Variants in SLC2A9 observed in about 807,000 individuals in gnomAD.
SLC2A9 encodes solute carrier family 2 member 9, also known as solute carrier family 2, facilitated glucose transporter member 9.
In SLC2A9, 39 loss-of-function variants were observed where a neutral mutation model predicts 50.6. That is an observed-to-expected ratio of 0.77 (90% CI 0.60 to 1.01). SLC2A9 has a LOEUF of 1.01. SLC2A9 is among the 50% of genes least tolerant of loss of function. The pLI, the probability that SLC2A9 is intolerant of heterozygous loss-of-function variation, is 0.00. For missense variants in SLC2A9, 686 were observed against 677.6 expected (o/e 1.01, Z -0.14); for synonymous variants, 324 against 276.9 (o/e 1.17, Z -1.69).
intron 5 of SLC2A9, among the ~76,000 whole-genome samples, chr4:9,956,469 G>C (rs139721393): frequency 0.014 from 2,103 of 152,012 alleles, 22 homozygotes; most frequent in Middle Eastern, 0.054. Flanking sequence ...AACAGAGCAA[G>C]ACTCCATCTC....
At chr4:9,991,392 G>A (rs1757694199) in intron 3 of SLC2A9, among the ~76,000 whole-genome samples, 1 of 152,146 alleles carries the variant, frequency 6.6e-6, no homozygotes, top group African/African-American at 2.4e-5. Context: ...CCCTGGTTGA[G>A]AACCCTTGAA....
intron 10 of SLC2A9, among the ~76,000 whole-genome samples, chr4:9,852,247 C>A (rs75387116): frequency 1.4e-5 from 2 of 140,886 alleles, no homozygotes; most frequent in South Asian, 4.4e-4. Flanking sequence ...ATCCAGTATT[C>A]TTTTTTTTTT....
At chr4:9,801,396 G>T (rs1015203810) in intron 3 of SLC2A9, among the ~76,000 whole-genome samples, 1 of 152,202 alleles carries the variant, frequency 6.6e-6, no homozygotes, top group African/African-American at 2.4e-5. Context: ...GCTAACTGAG[G>T]ATAATTATAA....
intron 5 of SLC2A9, among the ~76,000 whole-genome samples, chr4:9,959,437 T>C (rs1751876442): frequency 6.6e-6 from 1 of 151,484 alleles, no homozygotes; most frequent in Admixed American, 6.6e-5. Flanking sequence ...ATCATCAGAT[T>C]GATGTCTCAA....
At chr4:9,990,903 C>A (rs1757599991) in intron 3 of SLC2A9, among the ~76,000 whole-genome samples, 1 of 152,076 alleles carries the variant, frequency 6.6e-6, no homozygotes, top group Non-Finnish European at 1.5e-5. Flanking sequence ...GATCAGGTTT[C>A]CTGGCTGGCT....
In SLC2A9 at chr4:9,879,787, T is replaced by G. The variant is rs1432892024; in HGVS notation, c.1291+7780A>C. The G allele has an allele frequency of 3.0e-6, 3 of 985,360 alleles. No individual in the cohort carries two copies. The African/African-American group carries it at 5.2e-5, about 17-fold the overall frequency. 61.0% of individuals were successfully genotyped at this position (985,360 alleles called of 1,614,324 possible). On this transcript the variant is annotated intron_variant, in intron 10 of 11. Coordinates refer to ENST00000264784, the MANE Select transcript of SLC2A9 (RefSeq NM_020041.3). ...TTTTAAAACTGGAATTGACACATTT[T>G]GGCAACGATCTTCTTTTTTTAAAAG... is the stretch of plus-strand genomic sequence containing the variant.
intron 8 of SLC2A9, among the ~76,000 whole-genome samples, chr4:9,900,849 AACTC>A (rs1400493057): frequency 5.3e-5 from 8 of 152,190 alleles, no homozygotes; most frequent in Admixed American, 2.0e-4. Flanking sequence ...CTCTCATGAG[AACTC>A]ACTCACTATC....
At chr4:10,027,528 C>T (rs1402074969) in intron 1 of SLC2A9, among the ~76,000 whole-genome samples, 4 of 151,946 alleles carry the variant, frequency 2.6e-5, no homozygotes, top group African/African-American at 9.7e-5. Context: ...TTGCCAGAAC[C>T]AACAGTCAAT....
intron 2 of SLC2A9, among the ~76,000 whole-genome samples, chr4:10,014,481 T>G (rs565285231): frequency 6.6e-6 from 1 of 152,340 alleles, no homozygotes; most frequent in South Asian, 2.1e-4. Flanking sequence ...TGCTGGATCA[T>G]GCTCCTGTTC....
At chr4:9,880,088 T>C (rs1734950129) in intron 10 of SLC2A9, 1 of 985,334 alleles carries the variant, frequency 1.0e-6, no homozygotes, top group Non-Finnish European at 1.2e-6. Context: ...TCTGAGCATC[T>C]TCCTGCCACA....
chr4:9,808,824 T>TG (rs1295894167), intron 3 of SLC2A9, among the ~76,000 whole-genome samples: 1 of 152,188 alleles, frequency 6.6e-6, no homozygotes, highest in African/African-American at 2.4e-5. Context: ...TATGTGGACT[T>TG]GGGGTCACAG....
chr4:9,926,034 C>A (rs749381537), intron 6 of SLC2A9, among the ~76,000 whole-genome samples: 1 of 152,116 alleles, frequency 6.6e-6, no homozygotes, highest in African/African-American at 2.4e-5. Flanking sequence ...CGCCAGCCTC[C>A]CTTGGGGTCC....
chr4:9,832,855 C>T (rs1726396694), intron 11 of SLC2A9, among the ~76,000 whole-genome samples: 1 of 152,178 alleles, frequency 6.6e-6, no homozygotes, highest in South Asian at 2.1e-4. Flanking sequence ...GAACACTATA[C>T]TAAAGTGGCA....
At chr4:9,896,964 C>T (rs533183656) in intron 8 of SLC2A9, among the ~76,000 whole-genome samples, 6 of 152,262 alleles carry the variant, frequency 3.9e-5, no homozygotes, top group Admixed American at 3.3e-4. Flanking sequence ...ACAATCCTTG[C>T]TATGTACCAG....
chr4:9,950,455 G>T (rs2108837687), intron 5 of SLC2A9, among the ~76,000 whole-genome samples: 1 of 152,234 alleles, frequency 6.6e-6, no homozygotes, highest in East Asian at 1.9e-4. Context: ...AAAGGGTTTG[G>T]ATGTCCTCTG....
upstream of SLC2A9, chr4:10,025,652 G>A: frequency 4.0e-6 from 2 of 500,386 alleles, no homozygotes; most frequent in East Asian, 3.3e-5. Context: ...CCTTTGTAAT[G>A]GAGACTTTTG....
At position 9,883,080 on chromosome 4, in the gene SLC2A9, A is replaced by T. The variant is rs564460818; in HGVS notation, c.1291+4487T>A. ...GTCCTTTTTAGAGCCCTCATATGTT[A>T]AATCTGGACAACTATGCATCCTAAT... On this transcript the variant is annotated intron_variant, in intron 10 of 11. Transcript: ENST00000264784. Among the ~76,000 whole-genome samples the T allele has an allele frequency of 3.3e-5, 5 of 152,198 alleles. No individual in the cohort carries two copies. The East Asian group carries it at 9.6e-4, about 29-fold the overall frequency.
intron 11 of SLC2A9, among the ~76,000 whole-genome samples, chr4:9,832,480 C>T (rs1323942035): frequency 6.6e-6 from 1 of 152,128 alleles, no homozygotes; most frequent in Admixed American, 6.5e-5. Context: ...CCTGGCTGTT[C>T]CTGCTCCGAT....
chr4:9,951,624 A>C (rs1350343765), intron 5 of SLC2A9, among the ~76,000 whole-genome samples: 1 of 151,560 alleles, frequency 6.6e-6, no homozygotes, highest in Non-Finnish European at 1.5e-5. Flanking sequence ...AGAAAAGTTT[A>C]TTTTTAAAAA....
Sources: gnomAD v4.1 joint callset for allele counts (sites outside exome capture counted in the v4.1 genomes callset) on GRCh38, gnomAD v4.1.1 for gene constraint, MANE v1.5 for transcripts, NCBI Gene and HGNC (gene_info 2026-07-23, HGNC 2026-07-21) for gene names.